MYO3B: variants seen among roughly 807,000 people sequenced by gnomAD.
MYO3B encodes the protein myosin IIIB, also known as myosin-IIIb.
Under a neutral mutation model 174.6 loss-of-function variants are expected in MYO3B, and 156 were observed. The ratio of observed to expected loss-of-function variants is 0.89; its 90% CI spans 0.78 to 1.02. The LOEUF is 1.02. MYO3B is among the 50% of genes least tolerant of loss of function. The pLI is 0.00. For missense variants in MYO3B, 1,632 were observed against 1,639.4 expected, an observed-to-expected ratio of 1.00 and a Z score of 0.08; for synonymous variants, 563 against 569.1, an observed-to-expected ratio of 0.99 and a Z score of 0.15.
intron 7 of MYO3B, among the ~76,000 whole-genome samples, chr2:170,236,894 A>T (rs2093076721): frequency 6.6e-6 from 1 of 152,206 alleles, no homozygotes; most frequent in Non-Finnish European, 1.5e-5. Context: ...CCTTAACAAT[A>T]CAAATGTTGA....
intron 6 of MYO3B, among the ~76,000 whole-genome samples, chr2:170,219,894 C>G (rs561619688): frequency 6.6e-6 from 1 of 152,276 alleles, no homozygotes; most frequent in South Asian, 2.1e-4. Context: ...TTCAAAATCA[C>G]AAAATATAAT....
chr2:170,634,414 A>G, intron 32 of MYO3B, among the ~76,000 whole-genome samples: 1 of 152,234 alleles, frequency 6.6e-6, no homozygotes. Flanking sequence ...CTGGCTAGCC[A>G]TATGTAGAAA....
At chr2:170,634,604 C>A (rs1697304175) in intron 32 of MYO3B, among the ~76,000 whole-genome samples, 1 of 152,124 alleles carries the variant, frequency 6.6e-6, no homozygotes, top group African/African-American at 2.4e-5. Context: ...GCAACAAAAG[C>A]CAAAATTGAC....
At position 170,653,756 on chromosome 2, in the gene MYO3B, T is replaced by A. The variant is rs777888967; in HGVS notation, c.*635T>A. The A allele has an allele frequency of 6.6e-6, 1 of 152,230 alleles. No individual in the cohort carries two copies. Among genetic ancestry groups the A allele is most frequent in the Non-Finnish European group, 1.5e-5 (1 of 68,046 alleles). 9.4% of individuals were successfully genotyped at this position (152,230 alleles called of 1,614,324 possible). On this transcript the variant is annotated 3_prime_UTR_variant, in exon 35 of 35. Coordinates refer to ENST00000408978, the MANE Select transcript of MYO3B (RefSeq NM_138995.5). Reference sequence around the variant, plus strand: ...ATAACCCCTCTCTTGTTAATTATGATGCTGAGAAAGCCTCTGTCTCTTTAT... The same window carrying A: ...ATAACCCCTCTCTTGTTAATTATGAAGCTGAGAAAGCCTCTGTCTCTTTAT...
intron 7 of MYO3B, among the ~76,000 whole-genome samples, chr2:170,271,900 A>G (rs1385570212): frequency 6.6e-6 from 1 of 152,104 alleles, no homozygotes; most frequent in Non-Finnish European, 1.5e-5. Flanking sequence ...GGTGGGGACT[A>G]GTAGGTTTTA....
At chr2:170,460,404 C>T (rs1418024035) in intron 23 of MYO3B, among the ~76,000 whole-genome samples, 2 of 139,350 alleles carry the variant, frequency 1.4e-5, no homozygotes, top group Non-Finnish European at 3.0e-5. Flanking sequence ...AGGAGAATCG[C>T]TTGAACCCAG....
At chr2:170,473,139 CTTTTTTTTTTT>C (rs66837903) in intron 25 of MYO3B, among the ~76,000 whole-genome samples, 3 of 96,440 alleles carry the variant, frequency 3.1e-5, no homozygotes, top group Non-Finnish European at 6.4e-5. Context: ...TTTTTCTTTT[CTTTTTTTTTTT>C]TTTTTTTTTT....
chr2:170,498,550 A>G, intron 25 of MYO3B, 42 bp from the exon 26 acceptor site: 1 of 1,387,822 alleles, frequency 7.2e-7, no homozygotes. Context: ...GCTGAGTCAA[A>G]TGGTGACTGA....
chr2:170,269,824 G>T (rs1005852974), intron 7 of MYO3B, among the ~76,000 whole-genome samples: 7 of 152,338 alleles, frequency 4.6e-5, no homozygotes, highest in African/African-American at 1.7e-4. Context: ...TCAAACTTTA[G>T]TGTGCATCAG....
At chr2:170,516,782 T>C (rs925148860) in intron 29 of MYO3B, among the ~76,000 whole-genome samples, 1 of 152,150 alleles carries the variant, frequency 6.6e-6, no homozygotes, top group Non-Finnish European at 1.5e-5. Flanking sequence ...TGATGAAAGG[T>C]GACCCATCTC....
chr2:170,235,564 A>G (rs1009177836), intron 6 of MYO3B, among the ~76,000 whole-genome samples: 1 of 152,186 alleles, frequency 6.6e-6, no homozygotes, highest in South Asian at 2.1e-4. Flanking sequence ...TTAGTTGGTT[A>G]TACTCGCGGG....
intron 32 of MYO3B, among the ~76,000 whole-genome samples, chr2:170,640,140 A>G (rs1024295204): frequency 5.3e-5 from 8 of 152,226 alleles, no homozygotes; most frequent in Admixed American, 5.2e-4. Context: ...ACTGGGAAGG[A>G]GGAGGAACTT....
chr2:170,259,747 TG>T (rs1362127149), intron 7 of MYO3B, among the ~76,000 whole-genome samples: 4 of 152,152 alleles, frequency 2.6e-5, no homozygotes, highest in Admixed American at 2.0e-4. Context: ...ATTAAGCTTT[TG>T]CATAGCAAAA....
chr2:170,538,128 G>T (rs918065212), intron 30 of MYO3B, among the ~76,000 whole-genome samples: 7 of 152,178 alleles, frequency 4.6e-5, no homozygotes, highest in Non-Finnish European at 7.4e-5. Context: ...AAGCAAAAAG[G>T]TACTGATTCT....
At chr2:170,563,473 G>T (rs1028865067) in intron 32 of MYO3B, among the ~76,000 whole-genome samples, 2 of 152,126 alleles carry the variant, frequency 1.3e-5, no homozygotes, top group African/African-American at 4.8e-5. Flanking sequence ...GGGAGCTGGG[G>T]AATAAAAGAG....
rs1574597738 is a variant in MYO3B, at chr2:170,217,866, G to A, written c.603+471G>A. On this transcript the variant is annotated intron_variant, in intron 6 of 34. Coordinates refer to ENST00000408978, the MANE Select transcript of MYO3B (RefSeq NM_138995.5). ...TTGTGTACTTTGTCGGCTCTCTGTA[G>A]TGAAACATGGGATTTATTCCTAATT... Among the ~76,000 whole-genome samples, 5 of 152,294 alleles carry A rather than the reference G, an allele frequency of 3.3e-5. No individual in the cohort carries two copies. In the South Asian group the frequency reaches 1.0e-3, roughly 32 times the overall value.
At chr2:170,532,466 G>C (rs1349227569) in intron 30 of MYO3B, among the ~76,000 whole-genome samples, 1 of 152,184 alleles carries the variant, frequency 6.6e-6, no homozygotes, top group Non-Finnish European at 1.5e-5. Flanking sequence ...GGTCATATAA[G>C]AAAATGCCCT....
At position 170,390,197 on chromosome 2, in the gene MYO3B, G is replaced by C. The variant is rs1574900982; in HGVS notation, c.1578-1323G>C. ...CTCACGCCTGTAATCCCAGCACTTT[G>C]GGAGGCCAAGGCAGGAAGATAGCTT... On this transcript the variant is annotated intron_variant, in intron 14 of 34. Transcript: ENST00000408978. Among the ~76,000 whole-genome samples, 2 of 152,298 alleles carry C rather than the reference G, an allele frequency of 1.3e-5. 1 individual carries two copies. Among genetic ancestry groups the C allele is most frequent in the South Asian group, 4.1e-4 (2 of 4,824 alleles).
intron 32 of MYO3B, chr2:170,602,337 A>G: frequency 1.5e-6 from 1 of 660,082 alleles, no homozygotes; most frequent in Non-Finnish European, 2.7e-6. Flanking sequence ...TGGCTGTGAG[A>G]GTGGGAGCCG....
Sources: allele counts gnomAD v4.1 joint callset (sites outside exome capture counted in the v4.1 genomes callset), GRCh38; gene constraint gnomAD v4.1.1; transcripts MANE v1.5; gene names NCBI Gene and HGNC (gene_info 2026-07-23, HGNC 2026-07-21).